ZNF536: variants seen among roughly 807,000 people sequenced by gnomAD.
ZNF536 encodes zinc finger protein 536.
In ZNF536, 13 loss-of-function variants were observed where a neutral mutation model predicts 84.5. The ratio of observed to expected loss-of-function variants is 0.15; its 90% confidence interval spans 0.10 to 0.24. The LOEUF is 0.24. Among genes scored for constraint, ZNF536 ranks in the 10% least tolerant of loss-of-function variants. The probability of loss-of-function intolerance (pLI) is 1.00; values close to 1 mark genes in which losing one functional copy is unlikely to be tolerated. For synonymous variants in ZNF536, 811 were observed against 742.5 expected (o/e 1.09, Z -1.50); for missense variants, 1,536 against 1,747.5 (o/e 0.88, Z 2.16).
At position 30,545,468 on chromosome 19, in the gene ZNF536, G is replaced by C. The variant is rs111398819; in HGVS notation, c.2324-2475G>C. On this transcript the variant is annotated intron_variant, in intron 3 of 4. Transcript: ENST00000355537. ...GCTGGAGTGCAGTGGCGCCATCTCG[G>C]CTCACTGCAAGCTCCGCCTCCCGGG... Among the ~76,000 whole-genome samples the C allele has an allele frequency of 3.6e-3, 503 of 141,482 alleles. 2 individuals carry two copies. The highest frequency in any genetic ancestry group is 0.011 in the Middle Eastern group (3 of 266). 92.8% of individuals were successfully genotyped at this position (141,482 alleles called of 152,430 possible). A position where few individuals can be genotyped will look rare whatever the true frequency, so the allele number is the denominator to read the frequency against.
chr19:30,628,082 A>G (rs1469556050), intron 1 of ZNF536, among the ~76,000 whole-genome samples: 1 of 152,200 alleles, frequency 6.6e-6, no homozygotes, highest in Non-Finnish European at 1.5e-5. Context: ...TCCCGGGTGG[A>G]AGGCTTTCTG....
rs139398987 is a variant in ZNF536 at position 30,655,193 on chromosome 19, C to T, written c.170-55564C>T. On this transcript the variant is annotated intron_variant, in intron 1 of 1. Transcript: ENST00000592773. ...AAATTTCTACATGTTCTCCCATTTA[C>T]AAGACAGAGTAAAATCAGCACTTAA... Among the ~76,000 whole-genome samples, 7 of 152,304 alleles carry T rather than the reference C, an allele frequency of 4.6e-5. No homozygotes were observed. In the East Asian group the frequency reaches 1.2e-3, roughly 25 times the overall value.
intron 1 of ZNF536, among the ~76,000 whole-genome samples, chr19:30,421,748 A>G (rs1481415657): frequency 6.6e-6 from 1 of 152,026 alleles, no homozygotes; most frequent in African/African-American, 2.4e-5. Context: ...GCTCCCTGGG[A>G]TCTCCAGGAG....
chr19:30,537,052 CGTT>C (rs2045113281), intron 3 of ZNF536, among the ~76,000 whole-genome samples: 1 of 152,182 alleles, frequency 6.6e-6, no homozygotes. Flanking sequence ...ATTTGTATTT[CGTT>C]GTTGTTTCTC....
intron 1 of ZNF536, among the ~76,000 whole-genome samples, chr19:30,571,931 G>A (rs2046562488): frequency 6.6e-6 from 1 of 152,186 alleles, no homozygotes; most frequent in Non-Finnish European, 1.5e-5. Context: ...GCAGAGACAA[G>A]GGGTGGTCTT....
At chr19:30,624,081 C>A (rs946921674) in intron 1 of ZNF536, among the ~76,000 whole-genome samples, 2 of 152,050 alleles carry the variant, frequency 1.3e-5, no homozygotes, top group Non-Finnish European at 2.9e-5. Flanking sequence ...ACTTGTCTGG[C>A]GTATTGTGGG....
At chr19:30,532,420 C>G (rs574903343) in intron 2 of ZNF536, among the ~76,000 whole-genome samples, 1 of 152,092 alleles carries the variant, frequency 6.6e-6, no homozygotes, top group Non-Finnish European at 1.5e-5. Flanking sequence ...CATAAGCCAC[C>G]ATGCCCGGCC....
chr19:30,529,257 A>G (rs2044710647), intron 2 of ZNF536, among the ~76,000 whole-genome samples: 2 of 152,198 alleles, frequency 1.3e-5, no homozygotes, highest in Non-Finnish European at 2.9e-5. Flanking sequence ...TTATATATAA[A>G]TAAGGTTAAG....
chr19:30,315,366 T>A (rs1489226814), intron 2 of ZNF536, among the ~76,000 whole-genome samples: 1 of 152,140 alleles, frequency 6.6e-6, no homozygotes, highest in Non-Finnish European at 1.5e-5. Flanking sequence ...CAGGGAAGAC[T>A]TCCTGGAGGA....
intron 1 of ZNF536, among the ~76,000 whole-genome samples, chr19:30,619,115 C>T (rs1233116984): frequency 6.6e-6 from 1 of 152,118 alleles, no homozygotes; most frequent in Non-Finnish European, 1.5e-5. Flanking sequence ...CCCTAACCCC[C>T]CATTTTTTGT....
At chr19:30,606,818 G>A (rs1311330646) in intron 1 of ZNF536, among the ~76,000 whole-genome samples, 1 of 152,128 alleles carries the variant, frequency 6.6e-6, no homozygotes, top group African/African-American at 2.4e-5. Flanking sequence ...GCTTCCTCCT[G>A]TACGTAAAGA....
intron 2 of ZNF536, among the ~76,000 whole-genome samples, chr19:30,325,824 C>T (rs1410241126): frequency 2.0e-5 from 3 of 152,190 alleles, no homozygotes; most frequent in African/African-American, 4.8e-5. Context: ...CAAGCTGCAC[C>T]TTGGTCACAG....
chr19:30,598,974 TC>T (rs1302425801), intron 1 of ZNF536, among the ~76,000 whole-genome samples: 1 of 44,638 alleles, frequency 2.2e-5, no homozygotes, highest in Non-Finnish European at 6.3e-5. Context: ...CTTCCCTCCT[TC>T]CCTCCCTCCC....
chr19:30,515,976 G>A (rs1160366341), intron 2 of ZNF536, among the ~76,000 whole-genome samples: 7 of 140,734 alleles, frequency 5.0e-5, no homozygotes, highest in South Asian at 2.2e-4. Flanking sequence ...GTAGTGAGCC[G>A]AGTTCATGCC....
intron 2 of ZNF536, among the ~76,000 whole-genome samples, chr19:30,490,368 A>G (rs1435527227): frequency 1.3e-5 from 2 of 152,214 alleles, no homozygotes; most frequent in African/African-American, 2.4e-5. Context: ...TTTAGAATAT[A>G]TAGACCCTTT....
intron 1 of ZNF536, among the ~76,000 whole-genome samples, chr19:30,409,436 C>T (rs1057470740): frequency 5.9e-5 from 9 of 152,106 alleles, no homozygotes; most frequent in South Asian, 2.1e-4. Flanking sequence ...TTTCTCCTTC[C>T]GAATCCCTGG....
chr19:30,639,826 C>T (rs1031899774), intron 1 of ZNF536, among the ~76,000 whole-genome samples: 1 of 152,058 alleles, frequency 6.6e-6, no homozygotes, highest in Non-Finnish European at 1.5e-5. Flanking sequence ...AAGTTCACAA[C>T]TGTCTCAAGG....
chr19:30,627,068 C>T (rs1187512232), intron 1 of ZNF536, among the ~76,000 whole-genome samples: 1 of 152,076 alleles, frequency 6.6e-6, no homozygotes, highest in African/African-American at 2.4e-5. Flanking sequence ...TGACAGGGCT[C>T]CTTCCTGAGC....
At chr19:30,662,122 G>C (rs1281427989) in intron 1 of ZNF536, among the ~76,000 whole-genome samples, 1 of 152,186 alleles carries the variant, frequency 6.6e-6, no homozygotes, top group Non-Finnish European at 1.5e-5. Flanking sequence ...CTCCTGCCCT[G>C]TCCTCTCTTA....
Sources: gnomAD v4.1 joint callset for allele counts (sites outside exome capture counted in the v4.1 genomes callset) on GRCh38, gnomAD v4.1.1 for gene constraint, MANE v1.5 for transcripts, NCBI Gene and HGNC (gene_info 2026-07-23, HGNC 2026-07-21) for gene names.